NCKAP5: variants seen among roughly 807,000 people sequenced by gnomAD.
NCKAP5 encodes the protein nck-associated protein 5.
In NCKAP5, 92 loss-of-function variants were observed where a neutral mutation model predicts 167.0. The observed-to-expected ratio is 0.55, with a 90% confidence interval of 0.47 to 0.66. The LOEUF is 0.66. NCKAP5 is among the 30% of genes least tolerant of loss of function. The pLI, the probability that NCKAP5 is intolerant of heterozygous loss-of-function variation, is 0.00. For missense variants in NCKAP5, 2,378 were observed against 2,315.0 expected, an observed-to-expected ratio of 1.03 and a Z score of -0.56; for synonymous variants, 891 against 877.4, an observed-to-expected ratio of 1.02 and a Z score of -0.27.
At chr2:133,039,374 T>C (rs2079140202) in intron 6 of NCKAP5, among the ~76,000 whole-genome samples, 1 of 152,198 alleles carries the variant, frequency 6.6e-6, no homozygotes, top group East Asian at 1.9e-4. Context: ...TCTAGTTTAG[T>C]TTAGCTAGTA....
At chr2:133,224,446 A>C (rs2086795932) in intron 4 of NCKAP5, among the ~76,000 whole-genome samples, 1 of 152,230 alleles carries the variant, frequency 6.6e-6, no homozygotes, top group Admixed American at 6.5e-5. Context: ...AAATAAGCCA[A>C]TAAAACCACA....
chr2:133,540,860 C>T (rs1427211348), intron 2 of NCKAP5, among the ~76,000 whole-genome samples: 5 of 146,248 alleles, frequency 3.4e-5, no homozygotes, highest in East Asian at 4.1e-4. Context: ...CTCTTAAACC[C>T]AGGAGGTGGA....
At chr2:133,167,134 G>A (rs1394506959) in intron 5 of NCKAP5, among the ~76,000 whole-genome samples, 2 of 152,154 alleles carry the variant, frequency 1.3e-5, no homozygotes, top group Non-Finnish European at 2.9e-5. Flanking sequence ...ACTTACCTAA[G>A]AGCAAAAGAG....
upstream of NCKAP5, among the ~76,000 whole-genome samples, chr2:133,571,955 A>G (rs928942880): frequency 6.6e-6 from 1 of 151,138 alleles, no homozygotes; most frequent in African/African-American, 2.4e-5. Context: ...AGCCTGGGCA[A>G]CAAGAGTGAA....
chr2:132,790,446 T>C (rs1390307288), intron 12 of NCKAP5, among the ~76,000 whole-genome samples: 1 of 152,190 alleles, frequency 6.6e-6, no homozygotes, highest in Non-Finnish European at 1.5e-5. Flanking sequence ...CAAAGTCATC[T>C]AACACAAAGC....
chr2:133,360,933 T>G (rs1405642827), intron 3 of NCKAP5, among the ~76,000 whole-genome samples: 2 of 150,002 alleles, frequency 1.3e-5, no homozygotes. Context: ...TTGAAAGTCT[T>G]CCCATTAAAA....
At chr2:132,707,519 A>T (rs1688476468) in intron 19 of NCKAP5, among the ~76,000 whole-genome samples, 1 of 152,174 alleles carries the variant, frequency 6.6e-6, no homozygotes, top group South Asian at 2.1e-4. Flanking sequence ...CTACTGAGAC[A>T]CCAGCTGGGG....
intron 2 of NCKAP5, among the ~76,000 whole-genome samples, chr2:133,520,153 T>G (rs1346298137): frequency 6.6e-6 from 1 of 152,188 alleles, no homozygotes; most frequent in Non-Finnish European, 1.5e-5. Context: ...ATCGCGCCAC[T>G]GCACTCCAGC....
intron 5 of NCKAP5, among the ~76,000 whole-genome samples, chr2:133,151,166 T>C (rs1294653761): frequency 1.3e-5 from 2 of 152,158 alleles, no homozygotes; most frequent in African/African-American, 4.8e-5. Context: ...TTTCTGTATG[T>C]ACATTATACC....
chr2:132,725,634 A>G lies in NCKAP5; in HGVS notation c.5706T>C (p.Ala1902=), dbSNP rs1044487050. 2 of 1,609,496 alleles carry G rather than the reference A, an allele frequency of 1.2e-6. No individual in the cohort carries two copies. The highest frequency in any genetic ancestry group is 2.2e-5 in the East Asian group (1 of 44,686). ...AAGTTCGCTGGTTGTTACCTGGGGC[A>G]GCGCTCTTCAGTGCTTTCACTAACT... ...RGQLVKALKS[A]APEIETT Residue 1902 remains alanine (A), a synonymous_variant, in exon 19 of 20, where the codon GCT becomes GCC. Coordinates refer to ENST00000409261, the MANE Select transcript of NCKAP5 (RefSeq NM_207363.3).
intron 19 of NCKAP5, among the ~76,000 whole-genome samples, chr2:132,702,992 A>T (rs1688021498): frequency 6.6e-6 from 1 of 152,152 alleles, no homozygotes. Flanking sequence ...CAGCCTGGGC[A>T]ATATAGTGAG....
chr2:132,806,280 G>A (rs1484199841), intron 11 of NCKAP5, among the ~76,000 whole-genome samples: 1 of 152,126 alleles, frequency 6.6e-6, no homozygotes, highest in African/African-American at 2.4e-5. Flanking sequence ...TTTCCTCTGG[G>A]TAGATACCCA....
At chr2:132,948,202 C>T (rs574591955) in intron 8 of NCKAP5, among the ~76,000 whole-genome samples, 1 of 152,252 alleles carries the variant, frequency 6.6e-6, no homozygotes, top group East Asian at 1.9e-4. Flanking sequence ...TTTCTCTGTA[C>T]TCTTCCTGGT....
chr2:133,203,376 A>G (rs2085792052), intron 5 of NCKAP5, among the ~76,000 whole-genome samples: 1 of 151,686 alleles, frequency 6.6e-6, no homozygotes. Context: ...AACATCACAC[A>G]CTGGGGCCTG....
intron 4 of NCKAP5, chr2:133,266,347 AG>A (rs1230753783): frequency 6.5e-6 from 1 of 152,888 alleles, no homozygotes; most frequent in Non-Finnish European, 1.5e-5. Flanking sequence ...ATTGAGTCAG[AG>A]GGCAGAGAGG....
chr2:133,235,935 G>A (rs372900539), intron 4 of NCKAP5, among the ~76,000 whole-genome samples: 3 of 151,052 alleles, frequency 2.0e-5, no homozygotes, highest in East Asian at 1.9e-4. Flanking sequence ...AAAAATGGTG[G>A]CTTGTGCCTT....
At chr2:133,616,287 G>T in the NCKAP5 span, among the ~76,000 whole-genome samples, 2 of 147,666 alleles carry the variant, frequency 1.4e-5, no homozygotes, top group South Asian at 4.4e-4. Context: ...CAGAAGGCAA[G>T]AAATAACTAA....
chr2:133,035,839 C>A (rs1032996594), intron 6 of NCKAP5, among the ~76,000 whole-genome samples: 3 of 151,326 alleles, frequency 2.0e-5, no homozygotes, highest in Non-Finnish European at 3.0e-5. Context: ...AAGATCGGAA[C>A]AGAAATAAAT....
At chr2:133,277,696 C>A (rs1249243286) in intron 4 of NCKAP5, among the ~76,000 whole-genome samples, 1 of 151,976 alleles carries the variant, frequency 6.6e-6, no homozygotes, top group African/African-American at 2.4e-5. Flanking sequence ...CAGGAAAACA[C>A]TAAGAAAGAA....
Sources: gnomAD v4.1 joint callset for allele counts (sites outside exome capture counted in the v4.1 genomes callset) on GRCh38, gnomAD v4.1.1 for gene constraint, MANE v1.5 for transcripts, NCBI Gene and HGNC (gene_info 2026-07-23, HGNC 2026-07-21) for gene names.